Variants in NFIA observed in about 807,000 individuals in gnomAD.
NFIA encodes nuclear factor I A.
NFIA carries 8 observed loss-of-function variants against 62.8 expected under a neutral mutation model. That is an observed-to-expected ratio of 0.13 (90% CI 0.07 to 0.23). NFIA has a LOEUF of 0.23. NFIA is among the 10% of genes least tolerant of loss of function. NFIA has a pLI of 1.00. For synonymous variants in NFIA, 235 were observed against 238.1 expected (o/e 0.99, Z 0.12); for missense variants, 410 against 642.1 (o/e 0.64, Z 3.91).
intron 2 of NFIA, among the ~76,000 whole-genome samples, chr1:61,118,445 G>T (rs918737411): frequency 6.6e-6 from 1 of 152,112 alleles, no homozygotes; most frequent in Non-Finnish European, 1.5e-5. Flanking sequence ...AGACAGCCCT[G>T]GTCTCATGGA....
chr1:61,213,117 G>A (rs1468417712), intron 2 of NFIA, among the ~76,000 whole-genome samples: 1 of 152,186 alleles, frequency 6.6e-6, no homozygotes, highest in East Asian at 1.9e-4. Context: ...AATCGGGAAA[G>A]TATAACCCCG....
intron 2 of NFIA, among the ~76,000 whole-genome samples, chr1:61,214,153 C>G (rs143373864): frequency 6.6e-6 from 1 of 152,012 alleles, no homozygotes; most frequent in African/African-American, 2.4e-5. Context: ...AGTGGACAGC[C>G]GATTAAAAGA....
At chr1:61,410,366 A>G (rs1666041934) in intron 9 of NFIA, among the ~76,000 whole-genome samples, 1 of 152,188 alleles carries the variant, frequency 6.6e-6, no homozygotes, top group Non-Finnish European at 1.5e-5. Context: ...AGTTTCAGAA[A>G]TCAGGTGCTT....
intron 10 of NFIA, among the ~76,000 whole-genome samples, chr1:61,434,878 A>G (rs896272136): frequency 6.6e-6 from 1 of 152,140 alleles, no homozygotes; most frequent in Admixed American, 6.5e-5. Context: ...TAGACCAAAA[A>G]TCTGCTATCC....
chr1:61,348,769 G>A (rs1254671692), intron 4 of NFIA, among the ~76,000 whole-genome samples: 1 of 152,176 alleles, frequency 6.6e-6, no homozygotes, highest in Non-Finnish European at 1.5e-5. Context: ...GTCTGATCAA[G>A]TCCCTCACAT....
At chr1:61,199,852 G>A (rs1260114847) in intron 2 of NFIA, among the ~76,000 whole-genome samples, 6 of 151,050 alleles carry the variant, frequency 4.0e-5, no homozygotes, top group South Asian at 4.2e-4. Flanking sequence ...AAAATTAGCC[G>A]GGCGTGGTTG....
intron 2 of NFIA, among the ~76,000 whole-genome samples, chr1:61,204,211 T>C (rs137866500): frequency 1.3e-5 from 2 of 152,332 alleles, no homozygotes; most frequent in Non-Finnish European, 2.9e-5. Flanking sequence ...TTCTTATTAG[T>C]CTGTGGTCTT....
At chr1:61,363,916 A>G (rs552717411) in intron 6 of NFIA, among the ~76,000 whole-genome samples, 3 of 147,728 alleles carry the variant, frequency 2.0e-5, no homozygotes, top group African/African-American at 7.5e-5. Flanking sequence ...AACTCACAAC[A>G]CTGTTTTGCT....
intron 2 of NFIA, among the ~76,000 whole-genome samples, chr1:61,221,830 A>C (rs561666058): frequency 6.6e-6 from 1 of 152,260 alleles, no homozygotes; most frequent in South Asian, 2.1e-4. Context: ...GGGACTAATC[A>C]TGAGAAGAAA....
chr1:61,414,805 C>T (rs923745112), intron 9 of NFIA, among the ~76,000 whole-genome samples: 72 of 152,048 alleles, frequency 4.7e-4, no homozygotes, highest in African/African-American at 1.7e-3. Flanking sequence ...GACGCCTGGA[C>T]TATGTTACTG....
upstream of NFIA, among the ~76,000 whole-genome samples, chr1:61,081,335 C>T (rs922883967): frequency 6.6e-6 from 1 of 151,596 alleles, no homozygotes; most frequent in African/African-American, 2.4e-5. Context: ...TCTGCCAAAA[C>T]AATACTTTAG....
chr1:61,330,443 C>CA lies in NFIA; in HGVS notation c.626-2069_626-2068insA, dbSNP rs1553173862. Among the ~76,000 whole-genome samples the CA allele has an allele frequency of 3.6e-4, 33 of 90,732 alleles. 1 individual carries two copies. Among genetic ancestry groups the CA allele is most frequent in the Middle Eastern group, 0.011 (2 of 190 alleles). 59.5% of individuals were successfully genotyped at this position (90,732 alleles called of 152,430 possible). On this transcript the variant is annotated intron_variant, in intron 3 of 10. Coordinates refer to ENST00000403491, the MANE Select transcript of NFIA (RefSeq NM_001134673.4). ...AACTTAGGAAATAGATACACCCCCC[C>CA]CACACACACACACACACGCACACAT...
intron 10 of NFIA, among the ~76,000 whole-genome samples, chr1:61,431,113 A>C (rs1330507367): frequency 6.6e-6 from 1 of 152,320 alleles, no homozygotes; most frequent in South Asian, 2.1e-4. Context: ...GGTATAATGT[A>C]ATGATAGGGA....
At chr1:61,366,726 C>T (rs1663610860) in intron 6 of NFIA, among the ~76,000 whole-genome samples, 1 of 152,092 alleles carries the variant, frequency 6.6e-6, no homozygotes, top group Admixed American at 6.6e-5. Context: ...AGTTTGAGAC[C>T]TGCCTGGCCA....
intron 2 of NFIA, among the ~76,000 whole-genome samples, chr1:61,265,769 G>C (rs1231032426): frequency 6.6e-6 from 1 of 152,190 alleles, no homozygotes; most frequent in Non-Finnish European, 1.5e-5. Flanking sequence ...TTTTCTGGAA[G>C]ACCCGATGGG....
At chr1:61,219,279 A>G (rs1221450098) in intron 2 of NFIA, among the ~76,000 whole-genome samples, 1 of 152,140 alleles carries the variant, frequency 6.6e-6, no homozygotes, top group Non-Finnish European at 1.5e-5. Context: ...ATACTTTGTA[A>G]AAGAATTTTT....
At chr1:61,241,741 G>A (rs1570438109) in intron 2 of NFIA, among the ~76,000 whole-genome samples, 2 of 152,018 alleles carry the variant, frequency 1.3e-5, no homozygotes, top group Non-Finnish European at 2.9e-5. Flanking sequence ...TCCTTGGCAC[G>A]AGTGGCTGTA....
chr1:61,262,524 A>T (rs960312393), intron 2 of NFIA, among the ~76,000 whole-genome samples: 1 of 152,248 alleles, frequency 6.6e-6, no homozygotes, highest in Non-Finnish European at 1.5e-5. Context: ...GGAAGAATGT[A>T]TATCTACAAT....
chr1:61,408,287 A>T (rs1665943092), intron 9 of NFIA, among the ~76,000 whole-genome samples: 1 of 152,230 alleles, frequency 6.6e-6, no homozygotes, highest in South Asian at 2.1e-4. Context: ...TGGCCCATGG[A>T]TCTTAGAAGC....
Sources: gnomAD v4.1 joint callset for allele counts (sites outside exome capture counted in the v4.1 genomes callset) on GRCh38, gnomAD v4.1.1 for gene constraint, MANE v1.5 for transcripts, NCBI Gene and HGNC (gene_info 2026-07-23, HGNC 2026-07-21) for gene names.